Variants in EYA4 observed in about 807,000 individuals in gnomAD.
EYA4 encodes the protein protein phosphatase EYA4.
A neutral mutation model predicts 87.9 loss-of-function variants in EYA4; 31 were observed. The ratio of observed to expected loss-of-function variants is 0.35; its 90% CI spans 0.27 to 0.48. EYA4 has a LOEUF of 0.48. Ranked by LOEUF, EYA4 falls within the 20% of genes least tolerant of loss-of-function variation. The probability of loss-of-function intolerance (pLI) is 0.99; values close to 1 mark genes in which losing one functional copy is unlikely to be tolerated. For synonymous variants in EYA4, 263 were observed against 270.6 expected, an observed-to-expected ratio of 0.97 and a Z score of 0.28; for missense variants, 678 against 761.4, an observed-to-expected ratio of 0.89 and a Z score of 1.29.
intron 1 of EYA4, chr6:133,247,206 T>G (rs1313686586): frequency 6.6e-6 from 1 of 152,178 alleles, no homozygotes; most frequent in Admixed American, 6.5e-5. Flanking sequence ...ATGGCCTAAA[T>G]AACCACAGTC....
chr6:133,269,056 C>T (rs761930256), intron 1 of EYA4, among the ~76,000 whole-genome samples: 26 of 152,100 alleles, frequency 1.7e-4, no homozygotes, highest in Non-Finnish European at 3.2e-4. Context: ...GCCAGGGGTT[C>T]GAGAGCAGCC....
At chr6:133,465,868 T>C (rs1794792283) in intron 10 of EYA4, among the ~76,000 whole-genome samples, 1 of 152,154 alleles carries the variant, frequency 6.6e-6, no homozygotes, top group Admixed American at 6.6e-5. Context: ...GGAATAATAA[T>C]ATTTTTGATA....
chr6:133,322,448 T>C (rs1486073454), intron 2 of EYA4, among the ~76,000 whole-genome samples: 3 of 152,194 alleles, frequency 2.0e-5, no homozygotes, highest in African/African-American at 4.8e-5. Context: ...ATGATTATTG[T>C]ATAAATATAA....
chr6:133,289,761 C>T (rs1171461364), intron 2 of EYA4, among the ~76,000 whole-genome samples: 1 of 151,278 alleles, frequency 6.6e-6, no homozygotes, highest in Non-Finnish European at 1.5e-5. Flanking sequence ...ACTTGAAATT[C>T]GGTGGCTTCA....
chr6:133,437,613 G>A (rs1791816487), intron 3 of EYA4, among the ~76,000 whole-genome samples: 1 of 152,178 alleles, frequency 6.6e-6, no homozygotes, highest in Non-Finnish European at 1.5e-5. Context: ...CCAAGACTGG[G>A]TAATTTATAG....
chr6:133,506,232 C>A (rs1416637124), intron 14 of EYA4, 37 bp downstream of exon 14: 1 of 1,084,950 alleles, frequency 9.2e-7, no homozygotes, highest in Non-Finnish European at 1.4e-6. Flanking sequence ...TTGTATCCAA[C>A]ACCAGACCTC....
intron 2 of EYA4, among the ~76,000 whole-genome samples, chr6:133,326,094 G>T (rs926921298): frequency 6.6e-6 from 1 of 152,336 alleles, no homozygotes; most frequent in South Asian, 2.1e-4. Context: ...GAAGATGTGT[G>T]TCACCTCTGC....
intron 2 of EYA4, among the ~76,000 whole-genome samples, chr6:133,302,743 A>G (rs911551429): frequency 6.6e-6 from 1 of 152,256 alleles, no homozygotes; most frequent in African/African-American, 2.4e-5. Context: ...TAGTGTTATT[A>G]TAATGTGACA....
At chr6:133,498,716 G>T (rs571464768) in intron 13 of EYA4, among the ~76,000 whole-genome samples, 5 of 152,140 alleles carry the variant, frequency 3.3e-5, no homozygotes, top group Non-Finnish European at 7.3e-5. Context: ...GTGTGCATGT[G>T]TATGTATATA....
At chr6:133,426,448 T>G (rs1790681936) in intron 3 of EYA4, among the ~76,000 whole-genome samples, 1 of 151,916 alleles carries the variant, frequency 6.6e-6, no homozygotes, top group South Asian at 2.1e-4. Flanking sequence ...ACCACCACCT[T>G]AGTCAAAAAC....
rs1468083200 is a variant in EYA4, at chr6:133,340,062, G to T, written c.34-42330G>T. Among the ~76,000 whole-genome samples, 4 of 152,208 alleles carry T rather than the reference G, an allele frequency of 2.6e-5. No homozygotes were observed. The East Asian group carries it at 7.7e-4, about 29-fold the overall frequency. On this transcript the variant is annotated intron_variant, in intron 2 of 19. Transcript: ENST00000355286. ...TTAGTACTAATATAAGTGGTGAAAA[G>T]ACTTAAAAGAGAAGGGGAAGTTACG...
At chr6:133,330,026 G>T (rs949926662) in intron 2 of EYA4, among the ~76,000 whole-genome samples, 3 of 152,016 alleles carry the variant, frequency 2.0e-5, no homozygotes, top group Admixed American at 2.0e-4. Flanking sequence ...ATGAAACAAT[G>T]TACAGTGAGG....
At chr6:133,411,836 G>A (rs1789267991) in intron 3 of EYA4, among the ~76,000 whole-genome samples, 2 of 152,028 alleles carry the variant, frequency 1.3e-5, no homozygotes, top group South Asian at 4.1e-4. Flanking sequence ...GATTTTCTTA[G>A]AGTGAACTTC....
chr6:133,267,625 C>T (rs866009904), intron 1 of EYA4, among the ~76,000 whole-genome samples: 4 of 152,068 alleles, frequency 2.6e-5, no homozygotes, highest in Non-Finnish European at 4.4e-5. Flanking sequence ...TCAGGTGATC[C>T]GCCCACCTCG....
chr6:133,246,480 G>T (rs1774419387), intron 1 of EYA4, among the ~76,000 whole-genome samples: 1 of 151,550 alleles, frequency 6.6e-6, no homozygotes, highest in East Asian at 1.9e-4. Flanking sequence ...GTTTATTTAG[G>T]TTATAATTTT....
rs1356813658 is a variant in EYA4, at chr6:133,382,427, A to G, written c.69A>G (p.Gln23=). ...CGTGCACAGAATCAGATGTTTCACA[A>G]TCTCAGAATTCCAGGTACAGTAAAA... ...KKTCTESDVS[Q]SQNSRSMEMQ... Residue 23 remains glutamine, a synonymous_variant, in exon 3 of 20, where the codon CAA becomes CAG. Transcript: ENST00000355286. The G allele has an allele frequency of 5.6e-6, 9 of 1,610,700 alleles. No individual in the cohort carries two copies. The highest frequency in any genetic ancestry group is 7.6e-6 in the Non-Finnish European group (9 of 1,177,080).
chr6:133,519,263 GA>G (rs1161947439), intron 17 of EYA4, among the ~76,000 whole-genome samples: 1 of 150,064 alleles, frequency 6.7e-6, no homozygotes, highest in Admixed American at 6.6e-5. Context: ...GACTAATAAA[GA>G]AAAAAAGAGA....
At chr6:133,402,135 AG>A (rs1788318864) in intron 3 of EYA4, among the ~76,000 whole-genome samples, 1 of 152,174 alleles carries the variant, frequency 6.6e-6, no homozygotes. Context: ...ATCAAAAAAA[AG>A]ATCTATATGA....
intron 2 of EYA4, among the ~76,000 whole-genome samples, chr6:133,339,160 C>A (rs951231074): frequency 1.3e-5 from 2 of 152,026 alleles, no homozygotes; most frequent in African/African-American, 2.4e-5. Flanking sequence ...TTTGGATAGC[C>A]TGTATAGGGA....
Sources: gnomAD v4.1 joint callset for allele counts (sites outside exome capture counted in the v4.1 genomes callset) on GRCh38, gnomAD v4.1.1 for gene constraint, MANE v1.5 for transcripts, NCBI Gene and HGNC (gene_info 2026-07-23, HGNC 2026-07-21) for gene names.